Variants in CSMD2 observed in about 807,000 individuals in gnomAD.
CSMD2 encodes the protein CUB and Sushi multiple domains 2.
Under a neutral mutation model 398.5 loss-of-function variants are expected in CSMD2, and 130 were observed. That is an observed-to-expected ratio of 0.33 (90% CI 0.28 to 0.38). The LOEUF is 0.38. CSMD2 is among the 10% of genes least tolerant of loss of function. The pLI is 1.00. For synonymous variants in CSMD2, 1,828 were observed against 1,908.5 expected, an observed-to-expected ratio of 0.96 and a Z score of 1.10; for missense variants, 3,829 against 4,764.9, an observed-to-expected ratio of 0.80 and a Z score of 5.78.
chr1:33,547,231 C>T lies in CSMD2; in HGVS notation c.8918-1012G>A, dbSNP rs151156275. On this transcript the variant is annotated intron_variant, in intron 56 of 70. Transcript: ENST00000373381. ...AAGAGACCTCCAAGGACCCAAGGAG[C>T]GAAGAAGGGTAGAGAACAGGAGACA... 3.2e-3 allele frequency among the ~76,000 whole-genome samples: 489 copies of T among 152,202 alleles called. 6 individuals carry two copies. The highest frequency in any genetic ancestry group is 0.011 in the African/African-American group (439 of 41,506).
Position 33,643,283 on chromosome 1 carries a change from C to T in CSMD2, c.4774+3365G>A, listed in dbSNP as rs184498524. 1.1e-4 allele frequency among the ~76,000 whole-genome samples: 17 copies of T among 152,310 alleles called. No individual in the cohort carries two copies. The East Asian group carries it at 3.1e-3, about 28-fold the overall frequency. On this transcript the variant is annotated intron_variant, in intron 29 of 70. Coordinates refer to ENST00000373381, the MANE Select transcript of CSMD2 (RefSeq NM_001281956.2). ...GCTGGCAAAGCATATGGGACACATA[C>T]GTCTATCACAAATATTCATGTTATA...
In CSMD2 at chr1:33,743,431, G is replaced by T. The variant is rs769869906; in HGVS notation, c.2022C>A (p.Ile674=). 3.8e-5 allele frequency: 61 copies of T among 1,614,074 alleles called. No homozygotes were observed. Among genetic ancestry groups the T allele is most frequent in the Non-Finnish European group, 6.8e-6 (8 of 1,180,052 alleles). Residue 674 remains isoleucine (I), a synonymous_variant, in exon 14 of 71, where the codon ATC becomes ATA. Coordinates refer to ENST00000373381, the MANE Select transcript of CSMD2 (RefSeq NM_001281956.2). ...GCGCCTCGGCGGTGGCCCCATCCTT[G>T]ATGACCAGGAAATCAAACTGAGGCT... is the stretch of plus-strand genomic sequence containing the variant. ...DVEPQFDFLV[I]KDGATAEAPV...
intron 1 of CSMD2, among the ~76,000 whole-genome samples, chr1:34,122,487 C>T (rs558579742): frequency 6.6e-6 from 1 of 152,304 alleles, no homozygotes; most frequent in Admixed American, 6.5e-5. Flanking sequence ...GTCCAGCCCA[C>T]TCCACTAATC....
chr1:34,154,882 C>T (rs1640661836), intron 1 of CSMD2, among the ~76,000 whole-genome samples: 1 of 152,078 alleles, frequency 6.6e-6, no homozygotes, highest in Non-Finnish European at 1.5e-5. Context: ...TGCACACCAC[C>T]ACGCCTGGCT....
At position 33,533,365 on chromosome 1, in the gene CSMD2, C is replaced by T. The variant is rs1187456509; in HGVS notation, c.9992-136G>A. 1.3e-6 allele frequency: 1 copy of T among 783,862 alleles called. No individual in the cohort carries two copies. Among genetic ancestry groups the T allele is most frequent in the Non-Finnish European group, 2.0e-6 (1 of 489,336 alleles). The allele number at this position is 783,862 out of a possible 1,614,324, so 48.6% of individuals were successfully genotyped here. On this transcript the variant is annotated intron_variant, in intron 63 of 70. Coordinates refer to ENST00000373381, the MANE Select transcript of CSMD2 (RefSeq NM_001281956.2). The surrounding 1 kb of genome is among the most constrained non-coding windows in gnomAD (Gnocchi z 4.2). ...CCCTTTCATGCCAAGCATCCCCCTCCCTAATCCTCCACCCTAACCCAAGCT... is the reference window on the plus strand; with the variant it reads ...CCCTTTCATGCCAAGCATCCCCCTCTCTAATCCTCCACCCTAACCCAAGCT...
At chr1:33,541,834 G>A (rs971556859) in intron 58 of CSMD2, among the ~76,000 whole-genome samples, 3 of 152,138 alleles carry the variant, frequency 2.0e-5, no homozygotes. Context: ...AGAACCTAAG[G>A]TATATTAATG....
rs764849839 is a variant in CSMD2, at chr1:33,636,492, C to T, written c.4837G>A (p.Asp1613Asn). The change falls in exon 30 of 71, where the codon GAC becomes AAC. Residue 1613 changes from aspartate (D) to asparagine (N), a missense_variant. By Grantham distance (23) the Asp-to-Asn change is conservative. Transcript: ENST00000373381. The surrounding 1 kb of genome is among the most constrained non-coding windows in gnomAD (Gnocchi z 4.8). ...SIKNGTRVGSDLKLGSSVTYY... is the reference protein window; with the variant it reads ...SIKNGTRVGSNLKLGSSVTYY... ...GTGACGGAGGAGCCCAGCTTCAGGT[C>T]GGACCCCACCCGTGTGCCGTTCTTG... 1.2e-5 allele frequency: 20 copies of T among 1,614,036 alleles called. No individual in the cohort carries two copies. The highest frequency in any genetic ancestry group is 5.3e-5 in the African/African-American group (4 of 74,914).
In CSMD2 at chr1:33,602,509, A is replaced by G. The variant is rs1405917348; in HGVS notation, c.6570T>C (p.Thr2190=). The change falls in exon 43 of 71, where the codon ACT becomes ACC. Residue 2190 remains threonine, a synonymous_variant. Transcript: ENST00000373381. ...CGGNITSSNG[T]VYSPGFPSPY... is the part of the protein sequence containing the mutation. ...GGCTAGGGAACCCCGGGGAGTACAC[A>G]GTGCCGTTGGAAGAAGTGATGTTCC... The G allele has an allele frequency of 5.6e-6, 9 of 1,606,398 alleles. No individual in the cohort carries two copies.
rs752530525 is a variant in CSMD2 at position 33,819,801 on chromosome 1, G to T, written c.1236C>A (p.Gly412=). 27 of 1,613,980 alleles carry T rather than the reference G, an allele frequency of 1.7e-5. No individual in the cohort carries two copies. The highest frequency in any genetic ancestry group is 2.3e-5 in the Non-Finnish European group (27 of 1,179,984). ...GSSVQFTCNE[G]YDLQGSKRIT... is the part of the protein sequence containing the mutation. ...TCCGCTTGGACCCTTGCAGGTCATA[G>T]CCCTCGTTGCAGGTGAACTGGACGC... Residue 412 remains glycine, a synonymous_variant, in exon 9 of 71, where the codon GGC becomes GGA. Coordinates refer to ENST00000373381, the MANE Select transcript of CSMD2 (RefSeq NM_001281956.2).
chr1:33,894,070 T>A (rs992408292), intron 5 of CSMD2, among the ~76,000 whole-genome samples: 5 of 152,140 alleles, frequency 3.3e-5, no homozygotes, highest in African/African-American at 1.2e-4. Flanking sequence ...ATTCTTCTTT[T>A]TTTCTGTGCC....
chr1:33,969,468 G>T (rs1001066389), intron 3 of CSMD2, among the ~76,000 whole-genome samples: 2 of 152,144 alleles, frequency 1.3e-5, no homozygotes, highest in Non-Finnish European at 2.9e-5. Context: ...CAGATAGATA[G>T]ATATAGAGAT....
intron 5 of CSMD2, among the ~76,000 whole-genome samples, chr1:33,881,866 A>G (rs1641260435): frequency 6.6e-6 from 1 of 152,146 alleles, no homozygotes; most frequent in African/African-American, 2.4e-5. Flanking sequence ...TATATTAAGC[A>G]TTTTCAAATT....
At chr1:34,104,477 G>A (rs1288408325) in intron 1 of CSMD2, among the ~76,000 whole-genome samples, 1 of 152,218 alleles carries the variant, frequency 6.6e-6, no homozygotes, top group African/African-American at 2.4e-5. Flanking sequence ...AGATGCCAGT[G>A]GGACATCCAG....
At chr1:33,763,657 A>G (rs1346837204) in intron 13 of CSMD2, among the ~76,000 whole-genome samples, 4 of 152,162 alleles carry the variant, frequency 2.6e-5, no homozygotes, top group Non-Finnish European at 5.9e-5. Context: ...CCATCCCTTC[A>G]GTCTGCCTGA....
intron 9 of CSMD2, among the ~76,000 whole-genome samples, chr1:33,815,785 A>G (rs1206505649): frequency 6.6e-6 from 1 of 152,250 alleles, no homozygotes; most frequent in Non-Finnish European, 1.5e-5. Context: ...GAGCTTTATC[A>G]TTAGCACATA....
chr1:33,665,003 C>A (rs940509765), intron 25 of CSMD2, among the ~76,000 whole-genome samples: 8 of 152,030 alleles, frequency 5.3e-5, no homozygotes, highest in African/African-American at 1.9e-4. Context: ...AAAATACTCC[C>A]CCATCTGCTA....
chr1:33,913,489 C>G (rs1202754653), intron 5 of CSMD2, among the ~76,000 whole-genome samples: 5 of 152,210 alleles, frequency 3.3e-5, no homozygotes, highest in Non-Finnish European at 7.3e-5. Context: ...CCTCTCAAAG[C>G]CTCATTCCAG....
rs374456788 is a variant in CSMD2, at chr1:33,739,240, G to C, written c.2268C>G (p.Leu756=). ...SLQLGSSISF[L]CDEGFLGTQG... Reference sequence around the variant, plus strand: ...GAGTCCCAAGGAAGCCTTCATCACAGAGGAAGGAGATGGAGCTGCCCAGCT... The same window carrying C: ...GAGTCCCAAGGAAGCCTTCATCACACAGGAAGGAGATGGAGCTGCCCAGCT... Residue 756 remains leucine (L), a synonymous_variant, in exon 15 of 71, where the codon CTC becomes CTG. Transcript: ENST00000373381. 1.2e-6 allele frequency: 2 copies of C among 1,614,242 alleles called. No homozygotes were observed. Among genetic ancestry groups the C allele is most frequent in the Non-Finnish European group, 1.7e-6 (2 of 1,180,032 alleles).
At chr1:33,583,121 C>A (rs1638844047) in intron 47 of CSMD2, among the ~76,000 whole-genome samples, 1 of 152,168 alleles carries the variant, frequency 6.6e-6, no homozygotes, top group Non-Finnish European at 1.5e-5. Flanking sequence ...TGAGAAGGGA[C>A]AATTAGTGCT....
Sources: allele counts gnomAD v4.1 joint callset (sites outside exome capture counted in the v4.1 genomes callset), GRCh38; gene constraint gnomAD v4.1.1; non-coding constraint Gnocchi (gnomAD v3.1); transcripts MANE v1.5; gene names NCBI Gene and HGNC (gene_info 2026-07-23, HGNC 2026-07-21).